The following SLC38A11 variants were observed in gnomAD, a reference collection of about 807,000 sequenced individuals.
The protein encoded by SLC38A11 is solute carrier family 38 member 11.
A neutral mutation model predicts 49.4 loss-of-function variants in SLC38A11; 51 were observed. The ratio of observed to expected loss-of-function variants is 1.03; its 90% CI spans 0.83 to 1.30. The LOEUF (loss-of-function observed/expected upper bound fraction) is 1.30, where lower values mean the gene tolerates loss of function less well. Ranked by LOEUF, SLC38A11 falls within the 50% of genes most tolerant of loss-of-function variation. The pLI is 0.00. For synonymous variants in SLC38A11, 203 were observed against 192.9 expected (o/e 1.05, Z -0.43); for missense variants, 574 against 556.2 (o/e 1.03, Z -0.32).
intron 11 of SLC38A11, 83 bp downstream of exon 11, chr2:164,908,557 G>A (rs1685177507): frequency 7.8e-7 from 1 of 1,284,146 alleles, no homozygotes; most frequent in Non-Finnish European, 1.0e-6. Context: ...TTTTGTTAAG[G>A]AAAATACATC....
chr2:164,937,420 T>C lies in SLC38A11; in HGVS notation c.547A>G (p.Ile183Val), dbSNP rs773240754. The C allele has an allele frequency of 5.6e-6, 9 of 1,606,362 alleles. No homozygotes were observed. Among genetic ancestry groups the C allele is most frequent in the Non-Finnish European group, 7.7e-6 (9 of 1,173,894 alleles). Reference protein sequence around the residue: ...NIAKLGKVSLISTGLTTLILG... With the variant: ...NIAKLGKVSLVSTGLTTLILG... ...ATCAGAGTTGTTAAACCTGTAGAGA[T>C]GAGGGAGACCTGTAAAAGAAAATAC... is the stretch of plus-strand genomic sequence containing the variant. The change falls in exon 7 of 12, where the codon ATC (isoleucine) becomes GTC (valine). Residue 183 changes from isoleucine (I) to valine (V), a missense_variant. Physicochemically the swap from Ile to Val is conservative, Grantham distance 29 (BLOSUM62 3). Coordinates refer to ENST00000685975, the MANE Select transcript of SLC38A11 (RefSeq NM_001351537.2).
intron 11 of SLC38A11, among the ~76,000 whole-genome samples, chr2:164,903,721 T>C (rs1684811810): frequency 6.6e-6 from 1 of 152,174 alleles, no homozygotes; most frequent in South Asian, 2.1e-4. Flanking sequence ...AACTGCTTAT[T>C]AAAAAGACAA....
Position 164,945,682 on chromosome 2 carries a change from G to A in SLC38A11, c.275C>T (p.Thr92Ile). The A allele has an allele frequency of 1.2e-6, 2 of 1,611,412 alleles. No homozygotes were observed. The change falls in exon 4 of 12, where the codon ACA becomes ATA. Residue 92 changes from threonine to isoleucine, a missense_variant. Thr to Ile is a moderately conservative substitution (Grantham distance 89). Transcript: ENST00000685975. ...LLIKGGALSG[T>I]DTYQSLVNKT... ...ATTGACCAAAGACTGGTAGGTATCTGTTCCAGAGAGGGCCCCTCCTTTTAT... is the reference window on the plus strand; with the variant it reads ...ATTGACCAAAGACTGGTAGGTATCTATTCCAGAGAGGGCCCCTCCTTTTAT...
rs142895669 is a variant in SLC38A11, at chr2:164,937,460, T to C, written c.538-31A>G. 1,318 of 1,283,444 alleles carry C rather than the reference T, an allele frequency of 1.0e-3. 5 individuals are homozygous for C. In the African/African-American group the frequency reaches 0.017, roughly 17 times the overall value. 79.5% of individuals were successfully genotyped at this position (1,283,444 alleles called of 1,614,324 possible). A position where few individuals can be genotyped will look rare whatever the true frequency, so the allele number is the denominator to read the frequency against. ...AAAGAAAATACAAGGATATTGCCGG[T>C]TTAGGACAGAAATTATTTTATTTAA... On this transcript the variant is annotated intron_variant, in intron 6 of 11. Coordinates refer to ENST00000685975, the MANE Select transcript of SLC38A11 (RefSeq NM_001351537.2).
intron 3 of SLC38A11, among the ~76,000 whole-genome samples, chr2:164,950,529 A>C (rs566534066): frequency 1.3e-5 from 2 of 152,286 alleles, no homozygotes; most frequent in South Asian, 4.1e-4. Context: ...TAATCACTAT[A>C]ATATTTTGAT....
intron 9 of SLC38A11, among the ~76,000 whole-genome samples, chr2:164,912,655 G>A (rs1348184998): frequency 6.6e-6 from 1 of 151,956 alleles, no homozygotes; most frequent in Non-Finnish European, 1.5e-5. Context: ...GGCACCTCAT[G>A]AGCCCAAGTG....
chr2:164,919,204 C>G (rs1032429300), intron 7 of SLC38A11, among the ~76,000 whole-genome samples: 1 of 151,904 alleles, frequency 6.6e-6, no homozygotes, highest in East Asian at 1.9e-4. Context: ...ATGGTGTGTG[C>G]CTATACACCC....
chr2:164,939,547 T>G lies in SLC38A11; in HGVS notation c.440A>C (p.Glu147Ala), dbSNP rs1475914437. The change falls in exon 6 of 12, where the codon GAA becomes GCA. Residue 147 changes from glutamate to alanine, a missense_variant. Transcript: ENST00000685975. ...VFQRIPGVDP[E>A]NVFIGRHFII... is the part of the protein sequence containing the mutation. ...GAAGTGGCGACCAATAAACACGTTT[T>G]CAGGATCAACTAAAACACAATAAAT... 6.2e-7 allele frequency: 1 copy of G among 1,606,220 alleles called. No individual in the cohort carries two copies. Among genetic ancestry groups the G allele is most frequent in the East Asian group, 2.2e-5 (1 of 44,648 alleles).
chr2:164,939,707 T>C (rs1284353352), intron 5 of SLC38A11, 151 bp from the exon 6 acceptor site: 2 of 443,108 alleles, frequency 4.5e-6, no homozygotes, highest in African/African-American at 2.0e-5. Context: ...CATAAAAACA[T>C]ATAAACATAA....
chr2:164,945,833 T>A, intron 3 of SLC38A11, 106 bp from the exon 4 acceptor site: 6 of 1,249,318 alleles, frequency 4.8e-6, no homozygotes, highest in South Asian at 2.7e-5. Flanking sequence ...AAGAAGCATT[T>A]AATTTAATGC....
chr2:164,953,439 C>T (rs570057264), intron 2 of SLC38A11, among the ~76,000 whole-genome samples: 170 of 152,188 alleles, frequency 1.1e-3, no homozygotes, highest in African/African-American at 3.7e-3. Context: ...GAAAAGAAAA[C>T]AAGCTGCTGA....
chr2:164,947,631 C>T lies in SLC38A11; in HGVS notation c.230-1904G>A, dbSNP rs1429773269. Among the ~76,000 whole-genome samples the T allele has an allele frequency of 2.0e-5, 3 of 152,210 alleles. No individual in the cohort carries two copies. In the East Asian group the frequency reaches 5.8e-4, roughly 29 times the overall value. ...ATCTTAATTTTAAAATATATAAATT[C>T]TAATTTGGTTATTGGTTCTGGAATT... On this transcript the variant is annotated intron_variant, in intron 3 of 11. Coordinates refer to ENST00000685975, the MANE Select transcript of SLC38A11 (RefSeq NM_001351537.2).
intron 7 of SLC38A11, among the ~76,000 whole-genome samples, chr2:164,932,986 C>T (rs1277199581): frequency 6.6e-6 from 1 of 151,986 alleles, no homozygotes; most frequent in African/African-American, 2.4e-5. Context: ...TCTTAACCCC[C>T]TCTAGTTCTT....
At chr2:164,940,991 G>T (rs981454199) in intron 5 of SLC38A11, among the ~76,000 whole-genome samples, 1 of 151,806 alleles carries the variant, frequency 6.6e-6, no homozygotes, top group Non-Finnish European at 1.5e-5. Context: ...CCCTTTAAAC[G>T]TTTTGCTTCA....
intron 11 of SLC38A11, among the ~76,000 whole-genome samples, chr2:164,899,082 A>G (rs13401102): frequency 0.067 from 10,187 of 152,154 alleles, 933 homozygotes; most frequent in African/African-American, 0.21. Flanking sequence ...TATATTCTTC[A>G]CTAAAACTAT....
At chr2:164,904,608 T>C (rs1292358252) in intron 11 of SLC38A11, among the ~76,000 whole-genome samples, 3 of 152,168 alleles carry the variant, frequency 2.0e-5, no homozygotes, top group Admixed American at 6.6e-5. Flanking sequence ...AGTACTAAAA[T>C]TGTTATCTAA....
intron 7 of SLC38A11, among the ~76,000 whole-genome samples, chr2:164,928,608 G>T (rs1002177024): frequency 1.3e-5 from 2 of 152,102 alleles, no homozygotes; most frequent in Non-Finnish European, 2.9e-5. Context: ...ACACACAGAA[G>T]ATAACTAAAG....
At chr2:164,927,195 G>T (rs1686662777) in intron 7 of SLC38A11, among the ~76,000 whole-genome samples, 1 of 152,110 alleles carries the variant, frequency 6.6e-6, no homozygotes, top group Admixed American at 6.5e-5. Context: ...AGGAAGCAGA[G>T]TTCAAGGTGT....
chr2:164,934,789 A>G (rs1015197315), intron 7 of SLC38A11, among the ~76,000 whole-genome samples: 1 of 152,160 alleles, frequency 6.6e-6, no homozygotes, highest in Non-Finnish European at 1.5e-5. Flanking sequence ...CCAAATTATC[A>G]TTTATGGTAT....
Sources: allele counts gnomAD v4.1 joint callset (sites outside exome capture counted in the v4.1 genomes callset), GRCh38; gene constraint gnomAD v4.1.1; transcripts MANE v1.5; gene names NCBI Gene and HGNC (gene_info 2026-07-23, HGNC 2026-07-21).